CA10: variants seen among roughly 807,000 people sequenced by gnomAD.
The protein encoded by CA10 is carbonic anhydrase 10 (inactive), also known as carbonic anhydrase-related protein 10.
Under a neutral mutation model 44.2 loss-of-function variants are expected in CA10, and 14 were observed. The observed-to-expected ratio is 0.32, with a 90% CI of 0.21 to 0.50. The LOEUF is 0.50. CA10 is among the 20% of genes least tolerant of loss of function. CA10 has a pLI of 0.99. For synonymous variants in CA10, 159 were observed against 141.6 expected, an observed-to-expected ratio of 1.12 and a Z score of -0.87; for missense variants, 350 against 409.7, an observed-to-expected ratio of 0.85 and a Z score of 1.26.
intron 3 of CA10, among the ~76,000 whole-genome samples, chr17:51,818,986 C>G (rs1465627640): frequency 6.6e-6 from 1 of 152,150 alleles, no homozygotes. Context: ...TCAAAAGCCT[C>G]CTTTGTACAA....
intron 2 of CA10, among the ~76,000 whole-genome samples, chr17:51,965,888 A>G (rs1567903103): frequency 6.6e-6 from 1 of 152,020 alleles, no homozygotes; most frequent in African/African-American, 2.4e-5. Context: ...AGAGAAAAAA[A>G]TAAAAAGCAT....
chr17:51,896,746 G>A (rs1408583747), intron 3 of CA10, among the ~76,000 whole-genome samples: 2 of 151,944 alleles, frequency 1.3e-5, no homozygotes, highest in Non-Finnish European at 2.9e-5. Context: ...CCCAGCATCT[G>A]TTACTTTTTG....
intron 3 of CA10, among the ~76,000 whole-genome samples, chr17:51,785,155 C>T (rs762533192): frequency 3.9e-4 from 59 of 152,176 alleles, no homozygotes; most frequent in Non-Finnish European, 8.1e-4. Context: ...ATATGTACCA[C>T]ATTTTTTATC....
intron 1 of CA10, among the ~76,000 whole-genome samples, chr17:52,111,181 C>G (rs1191687825): frequency 6.6e-6 from 1 of 152,152 alleles, no homozygotes; most frequent in African/African-American, 2.4e-5. Flanking sequence ...TAGCACACCC[C>G]TAAATTCCCA....
chr17:51,681,739 T>C (rs1914855388), intron 4 of CA10, among the ~76,000 whole-genome samples: 2 of 152,188 alleles, frequency 1.3e-5, no homozygotes. Flanking sequence ...ATGGCTATAT[T>C]GTGTAGTAGT....
intron 2 of CA10, among the ~76,000 whole-genome samples, chr17:52,018,244 G>C (rs938453863): frequency 6.6e-6 from 1 of 152,124 alleles, no homozygotes; most frequent in Non-Finnish European, 1.5e-5. Context: ...TGTAGGAAGG[G>C]TCATGCTGCC....
At chr17:51,745,053 G>T (rs1433875006) in intron 4 of CA10, among the ~76,000 whole-genome samples, 2 of 152,070 alleles carry the variant, frequency 1.3e-5, no homozygotes, top group African/African-American at 4.8e-5. Flanking sequence ...AGCAGTGGAT[G>T]TGTGTGTGTG....
chr17:51,631,553 A>G lies in CA10; in HGVS notation c.*31T>C. On this transcript the variant is annotated 3_prime_UTR_variant, in exon 9 of 9. Coordinates refer to ENST00000451037, the MANE Select transcript of CA10 (RefSeq NM_020178.5). ...CGTCAATTCACAGTTGTAGCATTTC[A>G]CTGAGGTGGGATTCTTCTTGGCTTT... is the stretch of plus-strand genomic sequence containing the variant. The G allele has an allele frequency of 6.3e-7, 1 of 1,598,874 alleles. No homozygotes were observed. Among genetic ancestry groups the G allele is most frequent in the East Asian group, 2.2e-5 (1 of 44,774 alleles).
chr17:51,823,729 G>A (rs1907904194), intron 3 of CA10, among the ~76,000 whole-genome samples: 1 of 152,212 alleles, frequency 6.6e-6, no homozygotes, highest in Non-Finnish European at 1.5e-5. Flanking sequence ...ACTGCCCAGA[G>A]TTCTGGAGTT....
intron 3 of CA10, among the ~76,000 whole-genome samples, chr17:51,849,173 A>G (rs1459354443): frequency 9.7e-6 from 1 of 102,792 alleles, no homozygotes; most frequent in Non-Finnish European, 2.1e-5. Flanking sequence ...GTATATATAT[A>G]TACATATATG....
chr17:52,003,568 G>T (rs148869973), intron 2 of CA10, among the ~76,000 whole-genome samples: 329 of 151,934 alleles, frequency 2.2e-3, no homozygotes, highest in African/African-American at 7.5e-3. Flanking sequence ...TAATTTTTAG[G>T]CTACAATTTT....
chr17:51,890,476 C>T (rs1285189530), intron 3 of CA10, among the ~76,000 whole-genome samples: 1 of 152,194 alleles, frequency 6.6e-6, no homozygotes, highest in African/African-American at 2.4e-5. Flanking sequence ...TACCCTAGGT[C>T]TCCCTACTAC....
chr17:52,041,759 A>G (rs1785004100), intron 2 of CA10, among the ~76,000 whole-genome samples: 1 of 151,996 alleles, frequency 6.6e-6, no homozygotes, highest in African/African-American at 2.4e-5. Context: ...TCCCTTCTCC[A>G]GGCTCTGACA....
intron 2 of CA10, among the ~76,000 whole-genome samples, chr17:52,012,317 AATGG>A (rs1326430406): frequency 2.0e-5 from 3 of 152,018 alleles, no homozygotes; most frequent in African/African-American, 7.2e-5. Flanking sequence ...GTCACTTAAC[AATGG>A]CCACACAGCT....
At chr17:51,801,519 C>T (rs1261679015) in intron 3 of CA10, among the ~76,000 whole-genome samples, 2 of 151,950 alleles carry the variant, frequency 1.3e-5, no homozygotes, top group Non-Finnish European at 1.5e-5. Flanking sequence ...TCAGTTTTGT[C>T]TTCCATATAC....
chr17:52,085,466 G>A (rs1196737143), intron 1 of CA10, among the ~76,000 whole-genome samples: 1 of 152,102 alleles, frequency 6.6e-6, no homozygotes, highest in African/African-American at 2.4e-5. Flanking sequence ...ACACAGCCAG[G>A]TCCAAACTCA....
Position 51,633,423 on chromosome 17 carries a change from A to G in CA10, c.964+53T>C, listed in dbSNP as rs185859300. On this transcript the variant is annotated intron_variant, in intron 8 of 8. Transcript: ENST00000451037. Reference sequence around the variant, plus strand: ...CAGGCCTTTAAGAACAGGTCTAAGCAGAAAGACTGAGCTCTAGCCTAGATC... The same window carrying G: ...CAGGCCTTTAAGAACAGGTCTAAGCGGAAAGACTGAGCTCTAGCCTAGATC... 4.7e-4 allele frequency: 728 copies of G among 1,534,944 alleles called. 1 individual carries two copies. The highest frequency in any genetic ancestry group is 1.5e-3 in the Admixed American group (79 of 54,328).
chr17:51,645,181 C>A (rs1288606659), intron 6 of CA10, among the ~76,000 whole-genome samples: 1 of 152,176 alleles, frequency 6.6e-6, no homozygotes, highest in Admixed American at 6.6e-5. Context: ...TCAGTGCCAT[C>A]GTCTCATTAT....
chr17:51,723,814 T>C (rs1269023860), intron 4 of CA10, among the ~76,000 whole-genome samples: 1 of 152,206 alleles, frequency 6.6e-6, no homozygotes, highest in Non-Finnish European at 1.5e-5. Context: ...TCTGCCCTCT[T>C]TTCCATCTGT....
Sources: gnomAD v4.1 joint callset for allele counts (sites outside exome capture counted in the v4.1 genomes callset) on GRCh38, gnomAD v4.1.1 for gene constraint, MANE v1.5 for transcripts, NCBI Gene and HGNC (gene_info 2026-07-23, HGNC 2026-07-21) for gene names.